TMIGD1: variants seen among roughly 807,000 people sequenced by gnomAD.
TMIGD1 encodes transmembrane and immunoglobulin domain containing 1.
In TMIGD1, 29 loss-of-function variants were observed where a neutral mutation model predicts 27.5. That is an observed-to-expected ratio of 1.05 (90% confidence interval 0.78 to 1.44). The LOEUF is 1.44. TMIGD1 is among the 40% of genes most tolerant of loss of function. The pLI, the probability that TMIGD1 is intolerant of heterozygous loss-of-function variation, is 0.00. For synonymous variants in TMIGD1, 109 were observed against 110.3 expected (o/e 0.99, Z 0.07); for missense variants, 334 against 310.6 (o/e 1.08, Z -0.57).
At chr17:30,326,013 G>A (rs1035928637) in intron 3 of TMIGD1, among the ~76,000 whole-genome samples, 1 of 152,150 alleles carries the variant, frequency 6.6e-6, no homozygotes, top group Non-Finnish European at 1.5e-5. Context: ...GATAGAGACG[G>A]AGAAGGAGGA....
intron 3 of TMIGD1, 24 bp downstream of exon 3, chr17:30,329,227 G>A: frequency 6.2e-7 from 1 of 1,607,736 alleles, no homozygotes; most frequent in Non-Finnish European, 8.5e-7. Flanking sequence ...AGACCCACTA[G>A]CTGTTTCTTT....
At chr17:30,320,567 G>A (rs1909585188) in intron 4 of TMIGD1, among the ~76,000 whole-genome samples, 1 of 152,094 alleles carries the variant, frequency 6.6e-6, no homozygotes, top group South Asian at 2.1e-4. Context: ...AGAACCAAAT[G>A]AGTAACTTAT....
intron 3 of TMIGD1, 41 bp downstream of exon 3, chr17:30,329,210 A>C: frequency 6.3e-7 from 1 of 1,596,462 alleles, no homozygotes; most frequent in Non-Finnish European, 8.6e-7. Flanking sequence ...TGTGTTACAG[A>C]CATTACAGAC....
intron 4 of TMIGD1, 102 bp from the exon 5 acceptor site, chr17:30,319,015 T>G (rs908882818): frequency 1.4e-5 from 11 of 808,108 alleles, no homozygotes; most frequent in Non-Finnish European, 2.1e-5. Context: ...TCCCCTTAAT[T>G]AAACCTTCTC....
At chr17:30,333,569 T>C (rs1309316327) in intron 1 of TMIGD1, among the ~76,000 whole-genome samples, 4 of 152,202 alleles carry the variant, frequency 2.6e-5, no homozygotes, top group South Asian at 2.1e-4. Flanking sequence ...TACCTATACC[T>C]ACTCTACTCC....
At chr17:30,332,674 T>C (rs111616060) in intron 1 of TMIGD1, among the ~76,000 whole-genome samples, 440 of 152,256 alleles carry the variant, frequency 2.9e-3, no homozygotes, top group African/African-American at 9.9e-3. Flanking sequence ...GTTAATCTTG[T>C]CTTTCTCCCA....
At chr17:30,317,415 G>C (rs547102622) in intron 5 of TMIGD1, among the ~76,000 whole-genome samples, 182 bp from the exon 6 acceptor site, 1 of 152,044 alleles carries the variant, frequency 6.6e-6, no homozygotes, top group Admixed American at 6.6e-5. Context: ...GTAACTCTTA[G>C]TTAAGATGCT....
intron 4 of TMIGD1, among the ~76,000 whole-genome samples, chr17:30,323,571 C>A (rs1285223112): frequency 6.6e-6 from 1 of 152,108 alleles, no homozygotes; most frequent in East Asian, 1.9e-4. Context: ...CACCTGAAAG[C>A]CAATTTGCTA....
At chr17:30,324,281 C>T (rs1909703683) in intron 4 of TMIGD1, among the ~76,000 whole-genome samples, 1 of 152,156 alleles carries the variant, frequency 6.6e-6, no homozygotes, top group Admixed American at 6.5e-5. Flanking sequence ...TTTGTTCTGT[C>T]ATTGTAGAGG....
rs1228374092 is a variant in TMIGD1 at position 30,316,627 on chromosome 17, C to T, written c.*60G>A. The T allele has an allele frequency of 3.8e-6, 6 of 1,578,758 alleles. No homozygotes were observed. In the Admixed American group the frequency reaches 5.1e-5, roughly 13 times the overall value. ...ATAGCAATAAATACAGATGGGACTA[C>T]ATAAATTGTGGAGGTCCTGATGCAA... On this transcript the variant is annotated 3_prime_UTR_variant, in exon 7 of 7. Coordinates refer to ENST00000328886, the MANE Select transcript of TMIGD1 (RefSeq NM_206832.3).
At chr17:30,319,030 ATCTC>A in intron 4 of TMIGD1, 117 bp from the exon 5 acceptor site, 1 of 728,380 alleles carries the variant, frequency 1.4e-6, no homozygotes, top group Admixed American at 2.2e-5. Flanking sequence ...CTTCTCAACA[ATCTC>A]AAAAAGTAGG....
At chr17:30,329,980 G>T (rs150410210) in intron 2 of TMIGD1, among the ~76,000 whole-genome samples, 1 of 152,098 alleles carries the variant, frequency 6.6e-6, no homozygotes, top group Non-Finnish European at 1.5e-5. Flanking sequence ...AGCTACTTGG[G>T]AGGATAAGGT....
rs372604223 is a variant in TMIGD1, at chr17:30,332,747, C to T, written c.-25-589G>A. 4.6e-5 allele frequency among the ~76,000 whole-genome samples: 7 copies of T among 152,124 alleles called. No homozygotes were observed. The East Asian group carries it at 1.2e-3, about 25-fold the overall frequency. ...AAAAATAATAAATAATAAAGGTGTC[C>T]TTTCTCCCTTCTTGCTTTTGCTTCA... On this transcript the variant is annotated intron_variant, in intron 1 of 6. Transcript: ENST00000328886.
intron 5 of TMIGD1, among the ~76,000 whole-genome samples, chr17:30,318,009 A>G (rs1192516714): frequency 6.6e-6 from 1 of 152,116 alleles, no homozygotes; most frequent in Non-Finnish European, 1.5e-5. Flanking sequence ...TTGAGGCTAC[A>G]GTGAGCTGTG....
chr17:30,332,197 C>A, intron 1 of TMIGD1, 39 bp from the exon 2 acceptor site: 2 of 1,289,310 alleles, frequency 1.6e-6, no homozygotes, highest in South Asian at 2.5e-5. Flanking sequence ...GTACTTTGGT[C>A]TGCAATGAGT....
chr17:30,332,147 A>G lies in TMIGD1; in HGVS notation c.-14T>C. On this transcript the variant is annotated 5_prime_UTR_variant, in exon 2 of 7. Coordinates refer to ENST00000328886, the MANE Select transcript of TMIGD1 (RefSeq NM_206832.3). ...CTTCCATGCCATCTTTAATGAGTTAAACTCAGATCTACTAAGGGAAAAATA... is the reference window on the plus strand; with the variant it reads ...CTTCCATGCCATCTTTAATGAGTTAGACTCAGATCTACTAAGGGAAAAATA... 6.2e-7 allele frequency: 1 copy of G among 1,606,202 alleles called. No homozygotes were observed. The highest frequency in any genetic ancestry group is 8.5e-7 in the Non-Finnish European group (1 of 1,175,658).
In TMIGD1 at chr17:30,329,252, A is replaced by C. The variant is rs976699333; in HGVS notation, c.360T>G (p.Thr120=). The C allele has an allele frequency of 1.2e-6, 2 of 1,611,656 alleles. No homozygotes were observed. Among genetic ancestry groups the C allele is most frequent in the Middle Eastern group, 1.7e-4 (1 of 6,012 alleles). The part of the protein sequence containing the change: ...SVSVSVVLNV[T]FPPLLSGNDF... ...GCTGTTTCTTTTCCCCTCACTCACA[A>C]GTAACATTCAGCACCACCGAAACGG... The change falls in exon 3 of 7, where the codon ACT becomes ACG. Residue 120 remains threonine, a splice_region_variant and synonymous_variant. Transcript: ENST00000328886.
At chr17:30,319,274 A>ATATATATATG in intron 4 of TMIGD1, among the ~76,000 whole-genome samples, 1 of 132,724 alleles carries the variant, frequency 7.5e-6, no homozygotes, top group Non-Finnish European at 1.6e-5. Flanking sequence ...ATATATATAT[A>ATATATATATG]TATAGCTGGG....
At chr17:30,324,479 A>T (rs562029853) in intron 4 of TMIGD1, among the ~76,000 whole-genome samples, 3 of 152,268 alleles carry the variant, frequency 2.0e-5, no homozygotes, top group Admixed American at 1.3e-4. Context: ...TTAGTTATGA[A>T]GCTGTGAACT....
Sources: gnomAD v4.1 joint callset for allele counts (sites outside exome capture counted in the v4.1 genomes callset) on GRCh38, gnomAD v4.1.1 for gene constraint, MANE v1.5 for transcripts, NCBI Gene and HGNC (gene_info 2026-07-23, HGNC 2026-07-21) for gene names.